FBXO33: variants seen among roughly 807,000 people sequenced by gnomAD.
The protein encoded by FBXO33 is F-box only protein 33.
A neutral mutation model predicts 46.3 loss-of-function variants in FBXO33; 22 were observed. The ratio of observed to expected loss-of-function variants is 0.48; its 90% CI spans 0.34 to 0.68. FBXO33 has a LOEUF of 0.68. Ranked by LOEUF, FBXO33 falls within the 30% of genes least tolerant of loss-of-function variation. The pLI, the probability that FBXO33 is intolerant of heterozygous loss-of-function variation, is 0.01. For synonymous variants in FBXO33, 337 were observed against 291.3 expected, an observed-to-expected ratio of 1.16 and a Z score of -1.60; for missense variants, 692 against 708.8, an observed-to-expected ratio of 0.98 and a Z score of 0.27.
chr14:39,420,478 C>T (rs2075476978), intron 1 of FBXO33, among the ~76,000 whole-genome samples: 1 of 152,066 alleles, frequency 6.6e-6, no homozygotes, highest in Non-Finnish European at 1.5e-5. Context: ...ATCACGAGGT[C>T]AGATCGAGAC....
In FBXO33 at chr14:39,431,644, C is replaced by T; in HGVS notation, c.519G>A (p.Gln173=). ...GCACTTCCAGCCAACGAGCTGAGAG[C>T]TGCAGGGCCTCGACTTCCTCCCCTC... ...GTGGEEVEAL[Q]LSARWLEVLR... is the part of the protein sequence containing the mutation. Residue 173 remains glutamine, a synonymous_variant, in exon 1 of 4, where the codon CAG becomes CAA. Coordinates refer to ENST00000298097, the MANE Select transcript of FBXO33 (RefSeq NM_203301.4). 1 of 1,613,666 alleles carries T rather than the reference C, an allele frequency of 6.2e-7. No individual in the cohort carries two copies. The highest frequency in any genetic ancestry group is 8.5e-7 in the Non-Finnish European group (1 of 1,180,028).
chr14:39,426,722 T>G (rs2075517057), intron 1 of FBXO33, among the ~76,000 whole-genome samples: 1 of 152,212 alleles, frequency 6.6e-6, no homozygotes, highest in Non-Finnish European at 1.5e-5. Context: ...TTCTTGTGTG[T>G]GGAATGCTAT....
Position 39,399,933 on chromosome 14 carries a change from T to C in FBXO33, c.1397-146A>G, listed in dbSNP as rs772773323. 9.4e-5 allele frequency: 90 copies of C among 958,506 alleles called. No homozygotes were observed. The Middle Eastern group carries it at 1.6e-3, about 17-fold the overall frequency. The allele number at this position is 958,506 out of a possible 1,614,324, so 59.4% of individuals were successfully genotyped here. ...TTTTGGTCTTTTTCCTTTAGAAATA[T>C]ATTGAAATTGGAAAAGGAAACATGG... On this transcript the variant is annotated intron_variant, in intron 3 of 3. Transcript: ENST00000298097.
rs1167031267 is a variant in FBXO33 at position 39,401,580 on chromosome 14, T to C, written c.992A>G (p.His331Arg). Reference protein sequence around the residue: ...EMARVLTDSNHVPLQRLSLLV... With the variant: ...EMARVLTDSNRVPLQRLSLLV... Reference sequence around the variant, plus strand: ...AAGAGACAGTCGTTGCAAAGGCACATGGTTGCTATCAGTTAAGACTCTTGC... The same window carrying C: ...AAGAGACAGTCGTTGCAAAGGCACACGGTTGCTATCAGTTAAGACTCTTGC... Residue 331 changes from histidine (H) to arginine (R), a missense_variant, in exon 3 of 4, where the codon CAT (histidine) becomes CGT (arginine). His to Arg is a conservative substitution (Grantham distance 29, BLOSUM62 0). This residue lies in a region of FBXO33 where 186 missense variants were observed against 246.1 expected (regional missense o/e 0.76). Coordinates refer to ENST00000298097, the MANE Select transcript of FBXO33 (RefSeq NM_203301.4). 3 of 1,614,172 alleles carry C rather than the reference T, an allele frequency of 1.9e-6. No individual in the cohort carries two copies. In the East Asian group the frequency reaches 6.7e-5, roughly 36 times the overall value.
chr14:39,420,648 G>A (rs542478279), intron 1 of FBXO33, among the ~76,000 whole-genome samples: 9 of 152,116 alleles, frequency 5.9e-5, no homozygotes, highest in Admixed American at 1.3e-4. Flanking sequence ...CCGAGATTGC[G>A]TCACTGCACT....
intron 1 of FBXO33, among the ~76,000 whole-genome samples, chr14:39,421,780 TCACA>T (rs10582893): frequency 0.18 from 27,219 of 148,854 alleles, 2,459 homozygotes; most frequent in Admixed American, 0.24. Flanking sequence ...TGAGTACAAA[TCACA>T]CACACACACA....
intron 1 of FBXO33, among the ~76,000 whole-genome samples, chr14:39,410,961 T>C (rs994452053): frequency 7.0e-6 from 1 of 142,076 alleles, no homozygotes; most frequent in Non-Finnish European, 1.6e-5. Flanking sequence ...GCTTTGTTAG[T>C]CCTTACTACC....
At chr14:39,403,366 G>C (rs950533033) in intron 1 of FBXO33, among the ~76,000 whole-genome samples, 2 of 152,262 alleles carry the variant, frequency 1.3e-5, no homozygotes, top group East Asian at 3.9e-4. Context: ...AGACCAAGGC[G>C]GGGGGAATCG....
chr14:39,432,216 AG>A lies in FBXO33; in HGVS notation c.-55del. 8.5e-7 allele frequency: 1 copy of A among 1,181,496 alleles called. No individual in the cohort carries two copies. The highest frequency in any genetic ancestry group is 4.3e-5 in the South Asian group (1 of 23,306). 73.2% of individuals were successfully genotyped at this position (1,181,496 alleles called of 1,614,324 possible). A position where few individuals can be genotyped will look rare whatever the true frequency, so the allele number is the denominator to read the frequency against. ...GTCGTGGGTCTCGGCGGAACCAAGTAGAACACAAGTTGTGGAGAGGGGGAAA... is the reference window on the plus strand; with the variant it reads ...GTCGTGGGTCTCGGCGGAACCAAGTAAACACAAGTTGTGGAGAGGGGGAAA... On this transcript the variant is annotated 5_prime_UTR_variant, in exon 1 of 4. Coordinates refer to ENST00000298097, the MANE Select transcript of FBXO33 (RefSeq NM_203301.4).
At chr14:39,417,249 T>G (rs2075452873) in intron 1 of FBXO33, among the ~76,000 whole-genome samples, 1 of 152,258 alleles carries the variant, frequency 6.6e-6, no homozygotes, top group Non-Finnish European at 1.5e-5. Flanking sequence ...TATCAGTTTT[T>G]CAGCACTGGA....
chr14:39,412,771 T>C (rs1451611526), intron 1 of FBXO33, among the ~76,000 whole-genome samples: 1 of 152,248 alleles, frequency 6.6e-6, no homozygotes, highest in Non-Finnish European at 1.5e-5. Context: ...CACAATTTTT[T>C]GTTTTTCAAG....
intron 1 of FBXO33, among the ~76,000 whole-genome samples, chr14:39,426,973 C>T (rs960160757): frequency 2.6e-5 from 4 of 152,116 alleles, no homozygotes; most frequent in South Asian, 2.1e-4. Context: ...ATGTCTTCCC[C>T]GCCTGGCACA....
intron 1 of FBXO33, among the ~76,000 whole-genome samples, chr14:39,414,023 G>A (rs929561770): frequency 6.6e-6 from 1 of 152,162 alleles, no homozygotes; most frequent in Non-Finnish European, 1.5e-5. Context: ...GTCTTTTGAC[G>A]CTTTTAAAGT....
At position 39,399,467 on chromosome 14, in the gene FBXO33, A is replaced by G. The variant is rs2075358382; in HGVS notation, c.*49T>C. On this transcript the variant is annotated 3_prime_UTR_variant, in exon 4 of 4. Transcript: ENST00000298097. The stretch of plus-strand genomic sequence containing the variant: ...CACACTACTGAAAAAAAAACATAAT[A>G]GGACCCTACTTGCATATGTAACCAC... 3 of 1,530,512 alleles carry G rather than the reference A, an allele frequency of 2.0e-6. No individual in the cohort carries two copies. Among genetic ancestry groups the G allele is most frequent in the Non-Finnish European group, 2.6e-6 (3 of 1,132,628 alleles). The allele number at this position is 1,530,512 out of a possible 1,614,324, so 94.8% of individuals were successfully genotyped here.
chr14:39,408,144 C>A (rs2075407399), intron 1 of FBXO33, among the ~76,000 whole-genome samples: 1 of 152,050 alleles, frequency 6.6e-6, no homozygotes, highest in Admixed American at 6.6e-5. Context: ...AGGGTTTCAG[C>A]ATGTTGGCCA....
chr14:39,410,252 T>C (rs551587427), intron 1 of FBXO33, among the ~76,000 whole-genome samples: 2 of 152,330 alleles, frequency 1.3e-5, no homozygotes, highest in South Asian at 4.1e-4. Context: ...CATGAAAGAA[T>C]GTTGAATTTT....
intron 1 of FBXO33, among the ~76,000 whole-genome samples, chr14:39,414,109 T>C (rs1336669609): frequency 6.6e-6 from 1 of 152,270 alleles, no homozygotes; most frequent in African/African-American, 2.4e-5. Context: ...TTGTCTACAC[T>C]GAAAAATCTG....
chr14:39,406,611 G>A (rs2075399888), intron 1 of FBXO33, among the ~76,000 whole-genome samples: 1 of 152,204 alleles, frequency 6.6e-6, no homozygotes, highest in South Asian at 2.1e-4. Flanking sequence ...GAGGAGACAA[G>A]AGATTTTGGG....
chr14:39,422,817 C>T (rs538902172), intron 1 of FBXO33, among the ~76,000 whole-genome samples: 3 of 152,150 alleles, frequency 2.0e-5, no homozygotes, highest in South Asian at 4.1e-4. Context: ...AAATTAAGAA[C>T]TTCTGAATAT....
Sources: allele counts gnomAD v4.1 joint callset (sites outside exome capture counted in the v4.1 genomes callset), GRCh38; gene constraint gnomAD v4.1.1; regional missense constraint gnomAD v4.1.1; transcripts MANE v1.5; gene names NCBI Gene and HGNC (gene_info 2026-07-23, HGNC 2026-07-21).